The following ANKRD30B variants were observed in gnomAD, a reference collection of about 807,000 sequenced individuals.
ANKRD30B encodes the protein ankyrin repeat domain 30B.
A neutral mutation model predicts 202.2 loss-of-function variants in ANKRD30B; 144 were observed. That is an observed-to-expected ratio of 0.71 (90% CI 0.62 to 0.82). The LOEUF (loss-of-function observed/expected upper bound fraction) is 0.82. ANKRD30B is among the 40% of genes least tolerant of loss of function. ANKRD30B has a pLI of 0.00. For synonymous variants in ANKRD30B, 508 were observed against 561.3 expected, an observed-to-expected ratio of 0.91 and a Z score of 1.34; for missense variants, 1,487 against 1,669.1, an observed-to-expected ratio of 0.89 and a Z score of 1.90.
At chr18:14,877,464 A>C in the ANKRD30B span, 5 of 151,778 alleles carry the variant, frequency 3.3e-5, no homozygotes, top group African/African-American at 1.2e-4. Flanking sequence ...TTCCTACTTC[A>C]CAGGGTTGTC....
At chr18:14,750,183 T>G (rs1913206426) in intron 1 of ANKRD30B, among the ~76,000 whole-genome samples, 1 of 152,172 alleles carries the variant, frequency 6.6e-6, no homozygotes, top group African/African-American at 2.4e-5. Context: ...TATGTGTGTG[T>G]GTGTATACAT....
chr18:14,752,622 T>C lies in ANKRD30B; in HGVS notation c.278T>C (p.Val93Ala), dbSNP rs1449440862. The C allele has an allele frequency of 5.0e-6, 8 of 1,611,926 alleles. No homozygotes were observed. The highest frequency in any genetic ancestry group is 6.8e-6 in the Non-Finnish European group (8 of 1,178,850). ...CATGCAGAAGTAGTAACATTTCTGG[T>C]AGACAGAAAGTGCCAGCTTAATGTC... is the stretch of plus-strand genomic sequence containing the variant. ...NGHAEVVTFL[V>A]DRKCQLNVLD... The change falls in exon 2 of 44, where the codon GTA becomes GCA. Residue 93 changes from valine to alanine, a missense_variant. Physicochemically the swap from Val to Ala is moderately conservative, Grantham distance 64 (BLOSUM62 0). Around this residue, in one of 6 missense-constraint regions of ANKRD30B, gnomAD observed 889 missense variants for 841.4 expected, o/e 1.06. Transcript: ENST00000690538.
At position 14,808,670 on chromosome 18, in the gene ANKRD30B, A is replaced by G. The variant is rs1340124234; in HGVS notation, c.2314-2A>G. On this transcript the variant is annotated splice_acceptor_variant, in intron 25 of 43. Coordinates refer to ENST00000690538, the MANE Select transcript of ANKRD30B (RefSeq NM_001367607.2). LOFTEE classifies it high-confidence loss of function. ...AATTTTTGTGTTTCCAAACCCATTTAGCCTACCTGTGGAAGGAAAGTTTCT... is the reference window on the plus strand; with the variant it reads ...AATTTTTGTGTTTCCAAACCCATTTGGCCTACCTGTGGAAGGAAAGTTTCT... 2 of 1,539,156 alleles carry G rather than the reference A, an allele frequency of 1.3e-6. No individual in the cohort carries two copies. Among genetic ancestry groups the G allele is most frequent in the African/African-American group, 2.8e-5 (2 of 71,634 alleles).
chr18:14,878,160 C>T, the ANKRD30B span, among the ~76,000 whole-genome samples: 1 of 152,138 alleles, frequency 6.6e-6, no homozygotes, highest in African/African-American at 2.4e-5. Flanking sequence ...TTTGAAAACA[C>T]AAGCAGTCAA....
In ANKRD30B at chr18:14,784,487, G is replaced by C. The variant is rs1473589795; in HGVS notation, c.1624G>C (p.Val542Leu). Reference sequence around the variant, plus strand: ...GCCTGCCGTTGAAATGCAAAAGACTGTTCCAAATAAAGCCTTTGAATTGAA... The same window carrying C: ...GCCTGCCGTTGAAATGCAAAAGACTCTTCCAAATAAAGCCTTTGAATTGAA... ...FKPAVEMQKT[V>L]PNKAFELKNE... The change falls in exon 14 of 44, where the codon GTT (valine) becomes CTT (leucine). Residue 542 changes from valine (V) to leucine (L), a missense_variant. Physicochemically the swap from Val to Leu is conservative, Grantham distance 32. Coordinates refer to ENST00000690538, the MANE Select transcript of ANKRD30B (RefSeq NM_001367607.2). 2 of 1,613,010 alleles carry C rather than the reference G, an allele frequency of 1.2e-6. No homozygotes were observed. Among genetic ancestry groups the C allele is most frequent in the Non-Finnish European group, 1.7e-6 (2 of 1,179,366 alleles).
In ANKRD30B at chr18:14,764,079, C is replaced by G. The variant is rs1010442971; in HGVS notation, c.1214C>G (p.Ala405Gly). The G allele has an allele frequency of 2.8e-5, 43 of 1,524,080 alleles. No individual in the cohort carries two copies. The highest frequency in any genetic ancestry group is 3.2e-5 in the Non-Finnish European group (36 of 1,142,484). The allele number at this position is 1,524,080 out of a possible 1,614,324, so 94.4% of individuals were successfully genotyped here. ...CCTACAAAAGAAACATCTACAAAAG[C>G]AAGTACAAATGGTAAGATGCTTGAG... is the stretch of plus-strand genomic sequence containing the variant. Reference protein sequence around the residue: ...ACPTKETSTKASTNVDVSSVE... With the variant: ...ACPTKETSTKGSTNVDVSSVE... Residue 405 changes from alanine (A) to glycine (G), a missense_variant, in exon 7 of 44, where the codon GCA (alanine) becomes GGA (glycine). Physicochemically the swap from Ala to Gly is moderately conservative, Grantham distance 60. This residue lies in a region of ANKRD30B where 889 missense variants were observed against 841.4 expected (regional missense o/e 1.06). Transcript: ENST00000690538.
chr18:14,766,796 C>T (rs890837230), intron 7 of ANKRD30B, among the ~76,000 whole-genome samples: 1 of 152,108 alleles, frequency 6.6e-6, no homozygotes, highest in African/African-American at 2.4e-5. Flanking sequence ...GGAGTATCAA[C>T]ATTTCACAGA....
rs745536298 is a variant in ANKRD30B at position 14,752,575 on chromosome 18, A to G, written c.231A>G (p.Leu77=). Residue 77 remains leucine, a synonymous_variant, in exon 2 of 44, where the codon CTA becomes CTG. Transcript: ENST00000690538. ...NKRDMKKRTA[L]HWACVNGHAE... ...CCTCTCACTCTCGTAGGACTGCTCTACACTGGGCCTGTGTCAATGGCCATG... is the reference window on the plus strand; with the variant it reads ...CCTCTCACTCTCGTAGGACTGCTCTGCACTGGGCCTGTGTCAATGGCCATG... 6 of 1,612,242 alleles carry G rather than the reference A, an allele frequency of 3.7e-6. No homozygotes were observed. The highest frequency in any genetic ancestry group is 5.1e-6 in the Non-Finnish European group (6 of 1,178,942).
the ANKRD30B span, among the ~76,000 whole-genome samples, chr18:14,937,238 T>A: frequency 2.6e-5 from 4 of 152,188 alleles, no homozygotes; most frequent in African/African-American, 9.7e-5. Flanking sequence ...TCAGAACCCC[T>A]AACTTCTAGA....
intron 28 of ANKRD30B, among the ~76,000 whole-genome samples, chr18:14,811,527 TAGTACCATTTATTGCCTAGA>T (rs1969924757): frequency 6.7e-6 from 1 of 148,872 alleles, no homozygotes; most frequent in Non-Finnish European, 1.5e-5. Flanking sequence ...CTTTTTACAC[TAGTACCATTTATTGCCTAGA>T]AGTAACCAAT....
chr18:14,854,004 G>A (rs1971991066), intron 43 of ANKRD30B, among the ~76,000 whole-genome samples, 61 bp downstream of exon 43: 2 of 152,156 alleles, frequency 1.3e-5, no homozygotes, highest in African/African-American at 4.8e-5. Context: ...TGTGTTAAAT[G>A]TAACATGCCA....
At chr18:14,843,709 G>A (rs546327133) in intron 39 of ANKRD30B, among the ~76,000 whole-genome samples, 1 of 152,204 alleles carries the variant, frequency 6.6e-6, no homozygotes, top group Non-Finnish European at 1.5e-5. Context: ...CAGGAGAATG[G>A]CGTGAACCCT....
the ANKRD30B span, among the ~76,000 whole-genome samples, chr18:14,875,600 G>T: frequency 0.017 from 2,574 of 152,282 alleles, 80 homozygotes; most frequent in African/African-American, 0.059. Context: ...GCTCCTCCAT[G>T]TCCACAGTTG....
At chr18:14,919,699 A>G in the ANKRD30B span, among the ~76,000 whole-genome samples, 1 of 152,334 alleles carries the variant, frequency 6.6e-6, no homozygotes, top group South Asian at 2.1e-4. Flanking sequence ...TATGCTTTTT[A>G]TTTGTCAGGA....
In ANKRD30B at chr18:14,782,603, G is replaced by C. The variant is rs1967823156; in HGVS notation, c.1559G>C (p.Arg520Thr). ...SMYQKVMEIN[R>T]EVEELPEKPS... ...TATCAGAAAGTAATGGAGATAAATA[G>C]AGAAGTAGAAGGTAAGAACAACTTT... The change falls in exon 12 of 44, where the codon AGA becomes ACA. Residue 520 changes from arginine to threonine, a missense_variant. Arg to Thr is a moderately conservative substitution (Grantham distance 71, BLOSUM62 -1). Around this residue, in one of 6 missense-constraint regions of ANKRD30B, gnomAD observed 889 missense variants for 841.4 expected, o/e 1.06. Coordinates refer to ENST00000690538, the MANE Select transcript of ANKRD30B (RefSeq NM_001367607.2). 1 of 1,573,710 alleles carries C rather than the reference G, an allele frequency of 6.4e-7. No homozygotes were observed. Among genetic ancestry groups the C allele is most frequent in the Admixed American group, 2.0e-5 (1 of 50,820 alleles).
At position 14,799,344 on chromosome 18, in the gene ANKRD30B, AT is replaced by A; in HGVS notation, c.2131+52del. 2 of 1,437,518 alleles carry A rather than the reference AT, an allele frequency of 1.4e-6. 1 individual carries two copies. Among genetic ancestry groups the A allele is most frequent in the Admixed American group, 5.2e-5 (2 of 38,168 alleles). The allele number at this position is 1,437,518 out of a possible 1,614,324, so 89.0% of individuals were successfully genotyped here. A position where few individuals can be genotyped will look rare whatever the true frequency, so the allele number is the denominator to read the frequency against. On this transcript the variant is annotated intron_variant, in intron 22 of 43. Coordinates refer to ENST00000690538, the MANE Select transcript of ANKRD30B (RefSeq NM_001367607.2). ...ACTCTGGAATTAAGAATATTAAACT[AT>A]TTGAAATGCTGAGCACCTTTTTATT...
the ANKRD30B span, among the ~76,000 whole-genome samples, chr18:14,882,752 G>A: frequency 1.4e-4 from 22 of 151,878 alleles, no homozygotes; most frequent in South Asian, 1.5e-3. Flanking sequence ...CATTTCTTAT[G>A]TCTACTAGTA....
intron 7 of ANKRD30B, among the ~76,000 whole-genome samples, chr18:14,765,975 G>A (rs1041681465): frequency 4.6e-5 from 7 of 151,996 alleles, no homozygotes; most frequent in Non-Finnish European, 1.0e-4. Context: ...TCAGTTAAGG[G>A]GCCATGTCTA....
chr18:14,782,478 T>G, intron 11 of ANKRD30B, 49 bp from the exon 12 acceptor site: 6 of 1,328,950 alleles, frequency 4.5e-6, no homozygotes, highest in Non-Finnish European at 6.2e-6. Context: ...ATTTTGATGC[T>G]TCTTATGATT....
Sources: allele counts gnomAD v4.1 joint callset (sites outside exome capture counted in the v4.1 genomes callset), GRCh38; gene constraint gnomAD v4.1.1; regional missense constraint gnomAD v4.1.1; transcripts MANE v1.5; gene names NCBI Gene and HGNC (gene_info 2026-07-23, HGNC 2026-07-21).